Variants in GTF2I observed in about 807,000 individuals in gnomAD.
GTF2I encodes general transcription factor II-I.
Under a neutral mutation model 67.6 loss-of-function variants are expected in GTF2I, and 12 were observed. The ratio of observed to expected loss-of-function variants is 0.18; its 90% CI spans 0.11 to 0.29. The LOEUF is 0.29. Ranked by LOEUF, GTF2I falls within the 10% of genes least tolerant of loss-of-function variation. GTF2I has a pLI of 1.00. For synonymous variants in GTF2I, 149 were observed against 197.0 expected (o/e 0.76, Z 2.04); for missense variants, 271 against 580.1 (o/e 0.47, Z 5.47).
At chr7:74,678,401 A>G (rs1437493553) in intron 1 of GTF2I, among the ~76,000 whole-genome samples, 2 of 152,122 alleles carry the variant, frequency 1.3e-5, no homozygotes, top group Non-Finnish European at 2.9e-5. Flanking sequence ...TATTGTCTGA[A>G]TGCAAAACAT....
intron 8 of GTF2I, among the ~76,000 whole-genome samples, chr7:74,708,920 C>G (rs1453686908): frequency 6.6e-6 from 1 of 152,244 alleles, no homozygotes; most frequent in Non-Finnish European, 1.5e-5. Context: ...TTTTTACTCT[C>G]TCCTCAAAAT....
intron 9 of GTF2I, among the ~76,000 whole-genome samples, chr7:74,712,233 T>G (rs1417075168): frequency 3.9e-5 from 6 of 152,128 alleles, no homozygotes; most frequent in Non-Finnish European, 8.8e-5. Flanking sequence ...TTACAGGGGC[T>G]AACACGCTTT....
intron 1 of GTF2I, among the ~76,000 whole-genome samples, chr7:74,681,561 C>T (rs891841238): frequency 1.3e-5 from 2 of 152,098 alleles, no homozygotes; most frequent in Non-Finnish European, 2.9e-5. Context: ...CTGACCAGCC[C>T]ACAGTAATTG....
intron 3 of GTF2I, 60 bp from the exon 4 acceptor site, chr7:74,698,900 TA>T: frequency 1.3e-6 from 1 of 790,680 alleles, no homozygotes; most frequent in Non-Finnish European, 1.8e-6. Flanking sequence ...AACCAAATAT[TA>T]AGGTAATGGA....
chr7:74,717,910 C>T (rs1792456518), intron 11 of GTF2I, among the ~76,000 whole-genome samples: 1 of 152,184 alleles, frequency 6.6e-6, no homozygotes, highest in Admixed American at 6.5e-5. Context: ...GGTTACATTT[C>T]CCTGTCAGCC....
At chr7:74,709,487 A>C (rs978385632) in intron 8 of GTF2I, among the ~76,000 whole-genome samples, 2 of 151,904 alleles carry the variant, frequency 1.3e-5, no homozygotes, top group Non-Finnish European at 2.9e-5. Context: ...TGAACTCCTG[A>C]CCTCAGGTAA....
chr7:74,694,607 G>A (rs779928139), intron 3 of GTF2I, among the ~76,000 whole-genome samples: 133 of 152,130 alleles, frequency 8.7e-4, no homozygotes, highest in Non-Finnish European at 1.5e-3. Context: ...GAAAGACAGA[G>A]TCTCTATAAC....
intron 2 of GTF2I, among the ~76,000 whole-genome samples, chr7:74,690,276 T>C (rs372584536): frequency 1.3e-5 from 2 of 152,082 alleles, no homozygotes; most frequent in Non-Finnish European, 2.9e-5. Context: ...GGTGGTATTA[T>C]TTTTAGGGGG....
At chr7:74,721,526 A>G (rs1792994533) in intron 12 of GTF2I, among the ~76,000 whole-genome samples, 1 of 151,984 alleles carries the variant, frequency 6.6e-6, no homozygotes, top group South Asian at 2.1e-4. Context: ...ATACACACAC[A>G]CATTTTATGT....
At chr7:74,681,748 C>T (rs1316722280) in intron 1 of GTF2I, among the ~76,000 whole-genome samples, 2 of 152,030 alleles carry the variant, frequency 1.3e-5, no homozygotes, top group Non-Finnish European at 2.9e-5. Context: ...CCTGTCTCTA[C>T]TAAAAATACA....
chr7:74,727,843 G>C (rs2131501633), intron 12 of GTF2I: 1 of 152,328 alleles, frequency 6.6e-6, no homozygotes, highest in East Asian at 1.9e-4. Flanking sequence ...TATCCACAAG[G>C]AAATGAGCAC....
At position 74,679,972 on chromosome 7, in the gene GTF2I, A is replaced by T. The variant is rs186001866; in HGVS notation, c.-5-9152A>T. 4.0e-3 allele frequency among the ~76,000 whole-genome samples: 597 copies of T among 149,942 alleles called. 2 individuals are homozygous for T. Among genetic ancestry groups the T allele is most frequent in the African/African-American group, 0.014 (569 of 40,872 alleles). On this transcript the variant is annotated intron_variant, in intron 1 of 34. Transcript: ENST00000573035. ...CGGACACCTGTAATCCCAGCTACTC[A>T]GGAGTCTGAGGCAGGAGAATCGCTT...
Position 74,678,218 on chromosome 7 carries a change from C to CTT in GTF2I, c.-5-10887_-5-10886dup, listed in dbSNP as rs66564149. ...TACAGGTGTGAGCTACTGAGCCCGGCTTTTTTTTTTTTTTTTTTTTAACTC... is the reference window on the plus strand; with the variant it reads ...TACAGGTGTGAGCTACTGAGCCCGGCTTTTTTTTTTTTTTTTTTTTTTAACTC... On this transcript the variant is annotated intron_variant, in intron 1 of 34. Coordinates refer to ENST00000573035, the MANE Select transcript of GTF2I (RefSeq NM_032999.4). 9.3e-3 allele frequency among the ~76,000 whole-genome samples: 1,108 copies of CTT among 119,522 alleles called. 9 individuals carry two copies. Among genetic ancestry groups the CTT allele is most frequent in the Middle Eastern group, 0.018 (4 of 222 alleles). The allele number at this position is 119,522 out of a possible 152,430, so 78.4% of individuals were successfully genotyped here.
At position 74,690,891 on chromosome 7, in the gene GTF2I, T is replaced by A. The variant is rs1449099403; in HGVS notation, c.100-82T>A. On this transcript the variant is annotated intron_variant, in intron 2 of 34. Coordinates refer to ENST00000573035, the MANE Select transcript of GTF2I (RefSeq NM_032999.4). ...AAAGAGAAGTACCTTTAAAAAATGT[T>A]GTTAGTTTTTTTAATTCATCGAGCA... is the stretch of plus-strand genomic sequence containing the variant. 2.9e-5 allele frequency: 33 copies of A among 1,153,758 alleles called. No homozygotes were observed. The East Asian group carries it at 6.8e-4, about 24-fold the overall frequency. 71.5% of individuals were successfully genotyped at this position (1,153,758 alleles called of 1,614,324 possible).
At chr7:74,667,661 G>A (rs1805097910) in intron 1 of GTF2I, among the ~76,000 whole-genome samples, 1 of 151,678 alleles carries the variant, frequency 6.6e-6, no homozygotes, top group Non-Finnish European at 1.5e-5. Context: ...GACTACAGGT[G>A]CATGCCACCA....
At chr7:74,684,792 C>T (rs1787553770) in intron 1 of GTF2I, 1 of 152,218 alleles carries the variant, frequency 6.6e-6, no homozygotes, top group Non-Finnish European at 1.5e-5. Flanking sequence ...GCCCCGTGGG[C>T]TGTTGCTGTA....
intron 6 of GTF2I, among the ~76,000 whole-genome samples, chr7:74,702,526 T>C (rs1789943934): frequency 6.6e-6 from 1 of 152,168 alleles, no homozygotes; most frequent in African/African-American, 2.4e-5. Flanking sequence ...CCTGCTACAC[T>C]GAACTTTGAA....
At chr7:74,681,205 C>T (rs1166487300) in intron 1 of GTF2I, among the ~76,000 whole-genome samples, 1 of 152,060 alleles carries the variant, frequency 6.6e-6, no homozygotes, top group African/African-American at 2.4e-5. Context: ...GAGGCCAAGG[C>T]GGGCAGATCA....
chr7:74,685,478 C>CA (rs1378066824), intron 1 of GTF2I, among the ~76,000 whole-genome samples: 1 of 151,694 alleles, frequency 6.6e-6, no homozygotes, highest in African/African-American at 2.4e-5. Context: ...GCCTGGGCAA[C>CA]AAAGCAAGAC....
Sources: gnomAD v4.1 joint callset for allele counts (sites outside exome capture counted in the v4.1 genomes callset) on GRCh38, gnomAD v4.1.1 for gene constraint, MANE v1.5 for transcripts, NCBI Gene and HGNC (gene_info 2026-07-23, HGNC 2026-07-21) for gene names.